The following HMCN1 variants were observed in gnomAD, a reference collection of about 807,000 sequenced individuals.
HMCN1 encodes hemicentin 1.
In HMCN1, 321 loss-of-function variants were observed where a neutral mutation model predicts 625.9. That is an observed-to-expected ratio of 0.51 (90% CI 0.47 to 0.56). The LOEUF (loss-of-function observed/expected upper bound fraction) is 0.56. HMCN1 is among the 20% of genes least tolerant of loss of function. HMCN1 has a pLI of 0.00. For missense variants in HMCN1, 6,588 were observed against 6,887.3 expected, an observed-to-expected ratio of 0.96 and a Z score of 1.54; for synonymous variants, 2,425 against 2,417.6, an observed-to-expected ratio of 1.00 and a Z score of -0.09.
At chr1:185,957,301 T>C (rs1649696693) in intron 11 of HMCN1, among the ~76,000 whole-genome samples, 1 of 152,164 alleles carries the variant, frequency 6.6e-6, no homozygotes, top group African/African-American at 2.4e-5. Flanking sequence ...AGAAACAAAA[T>C]GTGAGTGAGT....
At chr1:186,038,398 C>A (rs1315427246) in intron 37 of HMCN1, among the ~76,000 whole-genome samples, 1 of 152,074 alleles carries the variant, frequency 6.6e-6, no homozygotes, top group Non-Finnish European at 1.5e-5. Flanking sequence ...GAGACTACAA[C>A]TTTGTTTTGT....
intron 1 of HMCN1, among the ~76,000 whole-genome samples, chr1:185,764,403 C>T (rs1265759458): frequency 6.6e-6 from 1 of 152,106 alleles, no homozygotes; most frequent in Non-Finnish European, 1.5e-5. Flanking sequence ...AACTACTACA[C>T]TTTATATAGA....
intron 1 of HMCN1, among the ~76,000 whole-genome samples, chr1:185,766,536 T>C (rs1305848429): frequency 6.6e-6 from 1 of 152,138 alleles, no homozygotes; most frequent in African/African-American, 2.4e-5. Flanking sequence ...TAGCAGAAGA[T>C]GGCCCCAAAA....
At chr1:185,922,291 A>T in intron 6 of HMCN1, 88 bp from the exon 7 acceptor site, 1 of 1,399,854 alleles carries the variant, frequency 7.1e-7, no homozygotes, top group South Asian at 1.2e-5. Flanking sequence ...CTAATTAAAT[A>T]TTGTGCAGTT....
intron 81 of HMCN1, among the ~76,000 whole-genome samples, chr1:186,124,457 C>T (rs919395146): frequency 2.0e-5 from 3 of 151,698 alleles, no homozygotes; most frequent in African/African-American, 4.8e-5. Flanking sequence ...GTTTGTATCC[C>T]GTAACAAAAG....
At chr1:185,759,698 G>A (rs1003305553) in intron 1 of HMCN1, among the ~76,000 whole-genome samples, 1 of 151,232 alleles carries the variant, frequency 6.6e-6, no homozygotes, top group Non-Finnish European at 1.5e-5. Flanking sequence ...GCAATAGTAG[G>A]AATTCAATAC....
intron 11 of HMCN1, among the ~76,000 whole-genome samples, chr1:185,957,433 G>C (rs987447721): frequency 1.3e-5 from 2 of 152,116 alleles, no homozygotes; most frequent in Non-Finnish European, 2.9e-5. Flanking sequence ...TGGGAGAGAA[G>C]GGGACGTTTT....
intron 11 of HMCN1, among the ~76,000 whole-genome samples, chr1:185,940,789 G>A (rs967248329): frequency 4.6e-5 from 7 of 151,290 alleles, no homozygotes; most frequent in African/African-American, 1.7e-4. Context: ...TTGAGACAAA[G>A]TCTCGGTCTT....
intron 1 of HMCN1, among the ~76,000 whole-genome samples, chr1:185,794,546 T>C (rs1658233329): frequency 1.3e-5 from 2 of 149,822 alleles, no homozygotes; most frequent in South Asian, 4.2e-4. Flanking sequence ...GCAGGAAGCA[T>C]CCAGTACGGG....
intron 1 of HMCN1, among the ~76,000 whole-genome samples, chr1:185,828,141 A>G (rs944364160): frequency 1.3e-5 from 2 of 152,178 alleles, no homozygotes; most frequent in Non-Finnish European, 2.9e-5. Flanking sequence ...AACCATGAGC[A>G]TTGGATTTAT....
At chr1:185,872,023 C>G (rs1230785363) in intron 4 of HMCN1, among the ~76,000 whole-genome samples, 1 of 152,188 alleles carries the variant, frequency 6.6e-6, no homozygotes, top group Non-Finnish European at 1.5e-5. Context: ...GGTGTTTCCT[C>G]TGAAATTTGA....
chr1:186,152,696 G>A (rs1002892156), intron 95 of HMCN1, 54 bp from the exon 96 acceptor site: 18 of 1,610,248 alleles, frequency 1.1e-5, no homozygotes, highest in Non-Finnish European at 1.5e-5. Context: ...TCTGCTCTGT[G>A]CTTACAGAAA....
chr1:186,041,786 T>C (rs1380277456), intron 40 of HMCN1, among the ~76,000 whole-genome samples: 1 of 152,164 alleles, frequency 6.6e-6, no homozygotes, highest in Non-Finnish European at 1.5e-5. Context: ...TTTTCTGTGG[T>C]TTATTTGCAT....
intron 4 of HMCN1, among the ~76,000 whole-genome samples, chr1:185,886,104 G>C (rs1664628407): frequency 6.6e-6 from 1 of 151,906 alleles, no homozygotes; most frequent in South Asian, 2.1e-4. Flanking sequence ...TACAGATTTT[G>C]TACCATCTCT....
rs762362322 is a variant in HMCN1 at position 186,095,305 on chromosome 1, A to G, written c.10357A>G (p.Thr3453Ala). 2 of 1,613,770 alleles carry G rather than the reference A, an allele frequency of 1.2e-6. No individual in the cohort carries two copies. Among genetic ancestry groups the G allele is most frequent in the South Asian group, 1.1e-5 (1 of 91,082 alleles). Reference sequence around the variant, plus strand: ...AATCACAGTTCTCAAAGGTAGTTCCACCTCTATGGCATGCATTACTGATGG... The same window carrying G: ...AATCACAGTTCTCAAAGGTAGTTCCGCCTCTATGGCATGCATTACTGATGG... The part of the protein sequence containing the change: ...EEITVLKGSS[T>A]SMACITDGTP... The change falls in exon 68 of 107, where the codon ACC becomes GCC. Residue 3453 changes from threonine to alanine, a missense_variant. By Grantham distance (58) the Thr-to-Ala change is moderately conservative. This residue lies in a region of HMCN1 where 4,628 missense variants were observed against 4,853.1 expected (regional missense o/e 0.95). Transcript: ENST00000271588.
At chr1:185,859,940 G>T (rs188242654) in intron 2 of HMCN1, among the ~76,000 whole-genome samples, 113 of 152,136 alleles carry the variant, frequency 7.4e-4, no homozygotes, top group South Asian at 4.2e-4. Flanking sequence ...CAAAGTGCTG[G>T]GATGACAGGT....
Position 185,799,332 on chromosome 1 carries a change from G to T in HMCN1, c.269-46694G>T, listed in dbSNP as rs78030406. Among the ~76,000 whole-genome samples, 8 of 152,316 alleles carry T rather than the reference G, an allele frequency of 5.3e-5. No homozygotes were observed. In the East Asian group the frequency reaches 1.4e-3, roughly 26 times the overall value. ...TGGAGTTGTGCAGGTCAACCTCCAG[G>T]CCAGTAGAGGAGGAAACTCTCTGGT... On this transcript the variant is annotated intron_variant, in intron 1 of 106. Transcript: ENST00000271588.
chr1:186,157,687 G>A (rs976055176), intron 97 of HMCN1, among the ~76,000 whole-genome samples: 12 of 152,176 alleles, frequency 7.9e-5, no homozygotes, highest in East Asian at 3.9e-4. Flanking sequence ...GAGAATATGC[G>A]GTGTTTGGTT....
chr1:186,112,025 T>C (rs569698926), intron 71 of HMCN1, among the ~76,000 whole-genome samples: 2 of 152,330 alleles, frequency 1.3e-5, no homozygotes, highest in African/African-American at 4.8e-5. Context: ...TTTTAATAAC[T>C]ATGATCATAT....
Sources: allele counts gnomAD v4.1 joint callset (sites outside exome capture counted in the v4.1 genomes callset), GRCh38; gene constraint gnomAD v4.1.1; regional missense constraint gnomAD v4.1.1; transcripts MANE v1.5; gene names NCBI Gene and HGNC (gene_info 2026-07-23, HGNC 2026-07-21).